The following RBFOX1 variants were observed in gnomAD, a reference collection of about 807,000 sequenced individuals.
The protein encoded by RBFOX1 is RNA binding fox-1 homolog 1, also known as RNA binding protein fox-1 homolog 1.
RBFOX1 carries 8 observed loss-of-function variants against 57.7 expected under a neutral mutation model. That is an observed-to-expected ratio of 0.14 (90% confidence interval 0.08 to 0.25). The LOEUF is 0.25. RBFOX1 is among the 10% of genes least tolerant of loss of function. RBFOX1 has a pLI of 1.00. For synonymous variants in RBFOX1, 326 were observed against 222.4 expected (o/e 1.47, Z -4.15); for missense variants, 611 against 548.5 (o/e 1.11, Z -1.14).
At chr16:7,141,510 T>C (rs915042027) in intron 4 of RBFOX1, among the ~76,000 whole-genome samples, 16 of 152,194 alleles carry the variant, frequency 1.1e-4, no homozygotes, top group African/African-American at 3.6e-4. Context: ...AAATGGAGTT[T>C]TGCTAGAGTG....
chr16:7,130,987 C>T (rs1017490321), intron 4 of RBFOX1, among the ~76,000 whole-genome samples: 3 of 152,084 alleles, frequency 2.0e-5, no homozygotes, highest in Non-Finnish European at 4.4e-5. Flanking sequence ...TTTCCATTTC[C>T]AAAGAGATGG....
At chr16:6,948,982 GAC>G (rs562814156) in intron 3 of RBFOX1, among the ~76,000 whole-genome samples, 151 of 152,234 alleles carry the variant, frequency 9.9e-4, no homozygotes, top group Non-Finnish European at 8.1e-4. Flanking sequence ...GATAGTTTGA[GAC>G]AGTTTCTCAA....
At chr16:5,730,192 G>T (rs1043664425) in intron 3 of RBFOX1, among the ~76,000 whole-genome samples, 1 of 152,190 alleles carries the variant, frequency 6.6e-6, no homozygotes, top group Admixed American at 6.5e-5. Flanking sequence ...CAGATCACCA[G>T]CCTACCACAA....
intron 5 of RBFOX1, among the ~76,000 whole-genome samples, chr16:7,559,523 G>A (rs1488127857): frequency 6.6e-6 from 1 of 152,106 alleles, no homozygotes; most frequent in Non-Finnish European, 1.5e-5. Context: ...TTTGATTCAG[G>A]GAAAACACAG....
intron 2 of RBFOX1, among the ~76,000 whole-genome samples, chr16:6,506,396 C>G (rs571399077): frequency 6.6e-6 from 1 of 151,932 alleles, no homozygotes. Context: ...AAGGCAGAAC[C>G]AGGGTGGAAA....
At chr16:6,487,690 AAAAAAAAAAAATATATATATATATAT>A (rs2095524765) in intron 2 of RBFOX1, among the ~76,000 whole-genome samples, 1 of 11,158 alleles carries the variant, frequency 9.0e-5, no homozygotes, top group African/African-American at 2.0e-4. Flanking sequence ...AAAAAAAAAA[AAAAAAAAAAAATATATATATATATAT>A]ATATATATAT....
chr16:6,169,045 A>C (rs1180572106), intron 1 of RBFOX1, among the ~76,000 whole-genome samples: 1 of 152,182 alleles, frequency 6.6e-6, no homozygotes, highest in Non-Finnish European at 1.5e-5. Context: ...AATGAGCGTC[A>C]TATAAACCAT....
At chr16:6,995,000 T>A (rs189093973) in intron 3 of RBFOX1, among the ~76,000 whole-genome samples, 26 of 150,360 alleles carry the variant, frequency 1.7e-4, no homozygotes, top group Admixed American at 1.5e-3. Context: ...AAAATGTGTT[T>A]GCATACGTGT....
intron 2 of RBFOX1, among the ~76,000 whole-genome samples, chr16:6,492,217 T>C (rs2153138597): frequency 6.6e-6 from 1 of 152,336 alleles, no homozygotes; most frequent in Non-Finnish European, 1.5e-5. Context: ...AGGCATTTTA[T>C]ATACTGTTAG....
intron 4 of RBFOX1, among the ~76,000 whole-genome samples, chr16:7,393,484 T>A (rs919063304): frequency 4.6e-5 from 7 of 152,174 alleles, no homozygotes; most frequent in African/African-American, 1.7e-4. Flanking sequence ...CTACCCCATC[T>A]GTCTTAGGTC....
intron 3 of RBFOX1, among the ~76,000 whole-genome samples, chr16:6,794,893 C>G (rs894292572): frequency 1.3e-5 from 2 of 152,102 alleles, no homozygotes; most frequent in African/African-American, 2.4e-5. Context: ...GGGAAGGCCT[C>G]TGGATCAACC....
At chr16:5,276,609 C>G (rs1350966728) in intron 1 of RBFOX1, among the ~76,000 whole-genome samples, 5 of 151,984 alleles carry the variant, frequency 3.3e-5, no homozygotes, top group African/African-American at 1.2e-4. Flanking sequence ...ATGGTGAAAC[C>G]CCGTCTCTAC....
At chr16:7,529,677 C>A (rs576376046) in intron 5 of RBFOX1, among the ~76,000 whole-genome samples, 1 of 152,274 alleles carries the variant, frequency 6.6e-6, no homozygotes, top group African/African-American at 2.4e-5. Context: ...TCTGAAGATA[C>A]TGAATTTACA....
intron 4 of RBFOX1, among the ~76,000 whole-genome samples, chr16:7,141,728 C>G (rs75296412): frequency 6.6e-6 from 1 of 152,222 alleles, no homozygotes; most frequent in Admixed American, 6.5e-5. Context: ...ACCTCATCAT[C>G]CTATCCACCA....
At chr16:7,453,384 A>C (rs2057787033) in intron 4 of RBFOX1, among the ~76,000 whole-genome samples, 1 of 152,064 alleles carries the variant, frequency 6.6e-6, no homozygotes, top group Admixed American at 6.6e-5. Context: ...GAGTGGCCCA[A>C]GTCAGGTGGG....
At chr16:5,721,677 G>C (rs1380926252) in intron 3 of RBFOX1, among the ~76,000 whole-genome samples, 7 of 152,122 alleles carry the variant, frequency 4.6e-5, no homozygotes, top group Non-Finnish European at 1.0e-4. Context: ...TATCATGAAA[G>C]GTTGCTAGGT....
At chr16:7,409,089 A>G (rs2098394115) in intron 4 of RBFOX1, among the ~76,000 whole-genome samples, 1 of 152,144 alleles carries the variant, frequency 6.6e-6, no homozygotes, top group South Asian at 2.1e-4. Context: ...GCTTTTCCCG[A>G]TAACCCTGAG....
intron 4 of RBFOX1, among the ~76,000 whole-genome samples, chr16:7,127,660 C>T (rs1467805482): frequency 6.6e-6 from 1 of 152,086 alleles, no homozygotes; most frequent in Non-Finnish European, 1.5e-5. Flanking sequence ...GTGATGATTT[C>T]AAGTTAAGAG....
chr16:6,132,584 T>A (rs1341749883), intron 1 of RBFOX1, among the ~76,000 whole-genome samples: 1 of 152,110 alleles, frequency 6.6e-6, no homozygotes, highest in Non-Finnish European at 1.5e-5. Context: ...GGGAACATAG[T>A]CCAGGAGTAC....
Sources: allele counts gnomAD v4.1 joint callset (sites outside exome capture counted in the v4.1 genomes callset), GRCh38; gene constraint gnomAD v4.1.1; transcripts MANE v1.5; gene names NCBI Gene and HGNC (gene_info 2026-07-23, HGNC 2026-07-21).